The following ROBO2 variants were observed in gnomAD, a reference collection of about 807,000 sequenced individuals.
ROBO2 encodes roundabout homolog 2.
Under a neutral mutation model 160.8 loss-of-function variants are expected in ROBO2, and 53 were observed. The observed-to-expected ratio is 0.33, with a 90% CI of 0.26 to 0.41. The LOEUF is 0.41. Among genes scored for constraint, ROBO2 ranks in the 10% least tolerant of loss-of-function variants. The probability of loss-of-function intolerance (pLI) is 1.00; values close to 1 mark genes in which losing one functional copy is unlikely to be tolerated. For synonymous variants in ROBO2, 664 were observed against 611.7 expected, an observed-to-expected ratio of 1.09 and a Z score of -1.26; for missense variants, 1,577 against 1,722.4, an observed-to-expected ratio of 0.92 and a Z score of 1.49.
At chr3:76,628,755 A>G (rs2089837572) in intron 2 of ROBO2, among the ~76,000 whole-genome samples, 1 of 152,162 alleles carries the variant, frequency 6.6e-6, no homozygotes, top group Non-Finnish European at 1.5e-5. Flanking sequence ...ACATCTATCA[A>G]TTCTACTAGT....
At chr3:76,997,558 A>T (rs1232596227) in intron 2 of ROBO2, among the ~76,000 whole-genome samples, 2 of 152,170 alleles carry the variant, frequency 1.3e-5, no homozygotes, top group African/African-American at 4.8e-5. Flanking sequence ...CAAAGATTAG[A>T]GAAGAGTTTT....
At position 77,612,005 on chromosome 3, in the gene ROBO2, T is replaced by C. The variant is rs180842788; in HGVS notation, c.3293+4051T>C. Among the ~76,000 whole-genome samples, 388 of 152,318 alleles carry C rather than the reference T, an allele frequency of 2.5e-3. 1 individual carries two copies. The highest frequency in any genetic ancestry group is 9.0e-3 in the African/African-American group (375 of 41,576). ...AGTGTTGAACTTTATTGTATTTTTA[T>C]TAGTAATTTGGTATTTGTATCTGGC... On this transcript the variant is annotated intron_variant, in intron 21 of 25. Transcript: ENST00000461745.
intron 2 of ROBO2, among the ~76,000 whole-genome samples, chr3:76,320,128 G>T (rs2107869474): frequency 6.6e-6 from 1 of 152,098 alleles, no homozygotes; most frequent in Middle Eastern, 3.4e-3. Flanking sequence ...ATTTTGTAAT[G>T]AAATTCTTTT....
chr3:77,177,745 A>T (rs531052500), intron 2 of ROBO2, among the ~76,000 whole-genome samples: 2 of 152,102 alleles, frequency 1.3e-5, no homozygotes, highest in African/African-American at 4.8e-5. Flanking sequence ...TTAAATTTTT[A>T]ATCAATAGGC....
chr3:76,528,765 T>C (rs1475849777), intron 2 of ROBO2, among the ~76,000 whole-genome samples: 3 of 151,820 alleles, frequency 2.0e-5, no homozygotes, highest in African/African-American at 7.3e-5. Flanking sequence ...GGAGAGAAAA[T>C]ATAAGAGTTC....
intron 2 of ROBO2, among the ~76,000 whole-genome samples, chr3:76,704,987 T>C (rs562816019): frequency 6.6e-6 from 1 of 152,282 alleles, no homozygotes; most frequent in South Asian, 2.1e-4. Flanking sequence ...TTTTTCTGGG[T>C]AAAGTTAGAG....
At chr3:75,968,079 T>C (rs1229702479) in intron 2 of ROBO2, among the ~76,000 whole-genome samples, 1 of 151,594 alleles carries the variant, frequency 6.6e-6, no homozygotes, top group Non-Finnish European at 1.5e-5. Flanking sequence ...TTTTCGAAAA[T>C]GGTTGCGATC....
At chr3:77,425,550 G>A (rs1368014280) in intron 2 of ROBO2, among the ~76,000 whole-genome samples, 1 of 152,144 alleles carries the variant, frequency 6.6e-6, no homozygotes, top group African/African-American at 2.4e-5. Context: ...CAGTGGTACT[G>A]CAGTGAGAGG....
rs557333301 is a variant in ROBO2, at chr3:77,166,641, C to A, written c.388+68301C>A. Among the ~76,000 whole-genome samples, 738 of 152,300 alleles carry A rather than the reference C, an allele frequency of 4.8e-3. 3 individuals carry two copies. The highest frequency in any genetic ancestry group is 0.01 in the Middle Eastern group (3 of 294). On this transcript the variant is annotated intron_variant, in intron 2 of 25. Transcript: ENST00000461745. ...TGGCGCCATCTTGGCTCACTGCAGGCTCCACCTCCCGGGTTCCCGCCATTC... is the reference window on the plus strand; with the variant it reads ...TGGCGCCATCTTGGCTCACTGCAGGATCCACCTCCCGGGTTCCCGCCATTC...
chr3:76,158,367 T>C (rs1248418325), intron 2 of ROBO2, among the ~76,000 whole-genome samples: 1 of 151,836 alleles, frequency 6.6e-6, no homozygotes, highest in Non-Finnish European at 1.5e-5. Context: ...GTTTTTATGA[T>C]CCAATCTCCA....
At chr3:76,861,745 C>T (rs956868136) in intron 2 of ROBO2, among the ~76,000 whole-genome samples, 2 of 152,140 alleles carry the variant, frequency 1.3e-5, no homozygotes, top group Non-Finnish European at 2.9e-5. Context: ...CAATAGCTTT[C>T]CTCAAAACAT....
At chr3:77,541,366 C>A (rs2153644437) in intron 6 of ROBO2, among the ~76,000 whole-genome samples, 1 of 152,276 alleles carries the variant, frequency 6.6e-6, no homozygotes, top group Non-Finnish European at 1.5e-5. Flanking sequence ...TCCATGTCAC[C>A]CACTCACTCT....
At chr3:77,473,113 AG>A (rs2083526160) in intron 2 of ROBO2, among the ~76,000 whole-genome samples, 1 of 151,988 alleles carries the variant, frequency 6.6e-6, no homozygotes, top group Non-Finnish European at 1.5e-5. Context: ...GATGAGCTTG[AG>A]GATGCGGTGT....
intron 2 of ROBO2, among the ~76,000 whole-genome samples, chr3:76,786,529 C>G (rs2062988502): frequency 6.6e-6 from 1 of 151,166 alleles, no homozygotes; most frequent in Non-Finnish European, 1.5e-5. Flanking sequence ...CTTTTGAGAA[C>G]TCTATCATGA....
intron 23 of ROBO2, among the ~76,000 whole-genome samples, chr3:77,622,870 C>G (rs543038466): frequency 9.2e-4 from 140 of 152,172 alleles, no homozygotes; most frequent in African/African-American, 3.3e-3. Context: ...CCTGAATAAG[C>G]CACTTTAAGG....
At chr3:76,788,637 C>T (rs1461529983) in intron 2 of ROBO2, among the ~76,000 whole-genome samples, 3 of 151,412 alleles carry the variant, frequency 2.0e-5, no homozygotes, top group African/African-American at 7.3e-5. Flanking sequence ...AAATTATATC[C>T]ATTTCAGGCA....
At chr3:77,245,242 T>C (rs552022744) in intron 2 of ROBO2, among the ~76,000 whole-genome samples, 10 of 152,288 alleles carry the variant, frequency 6.6e-5, no homozygotes, top group Non-Finnish European at 8.8e-5. Flanking sequence ...TTGAGTGACA[T>C]GGAGCCAATT....
At chr3:76,113,719 A>T (rs760719661) in intron 2 of ROBO2, among the ~76,000 whole-genome samples, 4 of 152,104 alleles carry the variant, frequency 2.6e-5, no homozygotes, top group Admixed American at 2.6e-4. Flanking sequence ...GAACCCTCAT[A>T]ATATAGATTG....
chr3:76,142,958 A>AAAT (rs2071735444), intron 2 of ROBO2, among the ~76,000 whole-genome samples: 1 of 151,944 alleles, frequency 6.6e-6, no homozygotes, highest in African/African-American at 2.4e-5. Flanking sequence ...ATAAAAATAA[A>AAAT]AATAAATAGT....
Sources: gnomAD v4.1 joint callset for allele counts (sites outside exome capture counted in the v4.1 genomes callset) on GRCh38, gnomAD v4.1.1 for gene constraint, MANE v1.5 for transcripts, NCBI Gene and HGNC (gene_info 2026-07-23, HGNC 2026-07-21) for gene names.